The following CRIM1 variants were observed in gnomAD, a reference collection of about 807,000 sequenced individuals.
CRIM1 encodes the protein cysteine-rich motor neuron 1 protein.
Under a neutral mutation model 116.4 loss-of-function variants are expected in CRIM1, and 32 were observed. The ratio of observed to expected loss-of-function variants is 0.27; its 90% confidence interval spans 0.21 to 0.37. The LOEUF is 0.37. Among genes scored for constraint, CRIM1 ranks in the 10% least tolerant of loss-of-function variants. The pLI, the probability that CRIM1 is intolerant of heterozygous loss-of-function variation, is 1.00. For missense variants in CRIM1, 1,331 were observed against 1,354.8 expected (o/e 0.98, Z 0.28); for synonymous variants, 590 against 509.2 (o/e 1.16, Z -2.13).
At chr2:36,501,430 G>T (rs186928101) in intron 8 of CRIM1, among the ~76,000 whole-genome samples, 1 of 152,040 alleles carries the variant, frequency 6.6e-6, no homozygotes, top group Non-Finnish European at 1.5e-5. Context: ...TTTATAAAAC[G>T]CCTGTTGGCC....
chr2:36,429,181 T>C lies in CRIM1; in HGVS notation c.506-12077T>C, dbSNP rs185147471. On this transcript the variant is annotated intron_variant, in intron 2 of 16. Coordinates refer to ENST00000280527, the MANE Select transcript of CRIM1 (RefSeq NM_016441.3). ...AGAATTAAATTTCATGACACTCTTA[T>C]TGCACATAACACAAATTCCCAACTA... Among the ~76,000 whole-genome samples, 982 of 152,314 alleles carry C rather than the reference T, an allele frequency of 6.4e-3. 1 individual carries two copies. The highest frequency in any genetic ancestry group is 0.01 in the Non-Finnish European group (709 of 68,008).
chr2:36,484,956 C>G (rs569415218), intron 7 of CRIM1, among the ~76,000 whole-genome samples: 1 of 152,144 alleles, frequency 6.6e-6, no homozygotes, highest in African/African-American at 2.4e-5. Context: ...AACAGGAAGT[C>G]AAAGAGTTAT....
intron 2 of CRIM1, among the ~76,000 whole-genome samples, chr2:36,437,314 G>T (rs1224036362): frequency 6.6e-6 from 1 of 152,044 alleles, no homozygotes; most frequent in Non-Finnish European, 1.5e-5. Context: ...GGCAGAGCTT[G>T]CAGTGAACCA....
chr2:36,365,150 G>C (rs1669505623), intron 1 of CRIM1, among the ~76,000 whole-genome samples: 2 of 152,072 alleles, frequency 1.3e-5, no homozygotes, highest in Admixed American at 6.5e-5. Context: ...AACATGCGTT[G>C]GTTTGATCCA....
intron 1 of CRIM1, among the ~76,000 whole-genome samples, chr2:36,385,926 G>C (rs1304731427): frequency 6.6e-6 from 1 of 152,138 alleles, no homozygotes. Context: ...TAGTCTCAGG[G>C]GGTGAAATGT....
At position 36,356,374 on chromosome 2, in the gene CRIM1, G is replaced by C; in HGVS notation, c.82G>C (p.Ala28Pro). Residue 28 changes from alanine to proline, a missense_variant, in exon 1 of 17, where the codon GCG becomes CCG. Coordinates refer to ENST00000280527, the MANE Select transcript of CRIM1 (RefSeq NM_016441.3). The surrounding 1 kb of genome is among the most constrained non-coding windows in gnomAD (Gnocchi z 4.3). ...VSLLGLLLLL[A>P]RSGTRALVCL... ...GCTGCTGGGGCTGCTGCTGCTGCTG[G>C]CGCGCTCCGGCACCCGGGCGCTGGT... 6.3e-7 allele frequency: 1 copy of C among 1,595,898 alleles called. No individual in the cohort carries two copies. The highest frequency in any genetic ancestry group is 8.5e-7 in the Non-Finnish European group (1 of 1,173,620).
chr2:36,543,059 T>C (rs1667058424), intron 14 of CRIM1, among the ~76,000 whole-genome samples: 1 of 152,224 alleles, frequency 6.6e-6, no homozygotes, highest in African/African-American at 2.4e-5. Context: ...GTAGAAACTA[T>C]AATTGTTCCC....
At chr2:36,467,653 G>A (rs72865082) in intron 5 of CRIM1, among the ~76,000 whole-genome samples, 3,024 of 152,306 alleles carry the variant, frequency 0.02, 108 homozygotes, top group African/African-American at 0.069. Context: ...GAGACTCACA[G>A]CCATAGAATT....
intron 4 of CRIM1, among the ~76,000 whole-genome samples, chr2:36,454,573 C>CA (rs1435629104): frequency 1.3e-5 from 2 of 152,214 alleles, no homozygotes; most frequent in Non-Finnish European, 2.9e-5. Flanking sequence ...CAGAGGAAGT[C>CA]AAAGGGTTGA....
At position 36,517,321 on chromosome 2, in the gene CRIM1, TC is replaced by T; in HGVS notation, c.1991-3del. The T allele has an allele frequency of 1.2e-6, 2 of 1,612,370 alleles. No individual in the cohort carries two copies. The highest frequency in any genetic ancestry group is 4.5e-5 in the East Asian group (2 of 44,864). ...TAATGTGTTCTGATTTTGTGTCATT[TC>T]CCAGATGACTTTGTGGTGCAGAAGC... is the stretch of plus-strand genomic sequence containing the variant. On this transcript the variant is annotated splice_polypyrimidine_tract_variant and splice_region_variant and intron_variant, in intron 11 of 16. Transcript: ENST00000280527.
intron 11 of CRIM1, among the ~76,000 whole-genome samples, chr2:36,516,875 T>A (rs1024928779): frequency 6.6e-6 from 1 of 152,196 alleles, no homozygotes; most frequent in Non-Finnish European, 1.5e-5. Context: ...CTCAGTTTCC[T>A]CATGCATAAA....
chr2:36,479,414 C>T, intron 6 of CRIM1, 83 bp from the exon 7 acceptor site: 3 of 1,392,502 alleles, frequency 2.2e-6, no homozygotes, highest in Non-Finnish European at 3.0e-6. Flanking sequence ...GACTAGAACC[C>T]AGGGAAAAAA....
At chr2:36,500,064 C>T (rs917857967) in intron 8 of CRIM1, among the ~76,000 whole-genome samples, 17 of 152,044 alleles carry the variant, frequency 1.1e-4, no homozygotes, top group Admixed American at 5.2e-4. Flanking sequence ...TGGTGGCTCA[C>T]GCTTATAATT....
At chr2:36,357,897 C>G (rs1444112106) in intron 1 of CRIM1, among the ~76,000 whole-genome samples, 1 of 152,122 alleles carries the variant, frequency 6.6e-6, no homozygotes, top group Non-Finnish European at 1.5e-5. Flanking sequence ...GAGGTGACAG[C>G]CTTAAGGATA....
intron 1 of CRIM1, among the ~76,000 whole-genome samples, chr2:36,361,014 A>G (rs1356681095): frequency 6.6e-6 from 1 of 152,150 alleles, no homozygotes; most frequent in African/African-American, 2.4e-5. Context: ...CGAAGTAAAC[A>G]AGGAAATAAT....
intron 4 of CRIM1, among the ~76,000 whole-genome samples, chr2:36,443,045 G>T (rs1239987511): frequency 6.6e-6 from 1 of 152,100 alleles, no homozygotes; most frequent in South Asian, 2.1e-4. Context: ...AGGCAGTGAG[G>T]TGTCTATCAA....
rs1295347418 is a variant in CRIM1, at chr2:36,362,132, C to CTGCAAAAAGTCTATTATGTAGACT, written c.331+5523_331+5546dup. On this transcript the variant is annotated intron_variant, in intron 1 of 16. Transcript: ENST00000280527. ...AAGATAAGAAATAAAGACAGCAAGACTGCAAAAAGTCTATTATGTAGACTT... is the reference window on the plus strand; with the variant it reads ...AAGATAAGAAATAAAGACAGCAAGACTGCAAAAAGTCTATTATGTAGACTTGCAAAAAGTCTATTATGTAGACTT... Among the ~76,000 whole-genome samples the CTGCAAAAAGTCTATTATGTAGACT allele has an allele frequency of 4.6e-5, 7 of 151,992 alleles. No individual in the cohort carries two copies. The East Asian group carries it at 5.8e-4, about 13-fold the overall frequency.
intron 2 of CRIM1, among the ~76,000 whole-genome samples, chr2:36,421,749 CG>C (rs1344839175): frequency 6.6e-6 from 1 of 152,066 alleles, no homozygotes; most frequent in East Asian, 1.9e-4. Context: ...CTTGTCCTAA[CG>C]TAGCTGCCCT....
chr2:36,533,585 C>A (rs1666268062), intron 13 of CRIM1, among the ~76,000 whole-genome samples: 1 of 152,110 alleles, frequency 6.6e-6, no homozygotes, highest in Non-Finnish European at 1.5e-5. Context: ...CAGAGTGAGA[C>A]CCTGTCTCTT....
Sources: gnomAD v4.1 joint callset for allele counts (sites outside exome capture counted in the v4.1 genomes callset) on GRCh38, gnomAD v4.1.1 for gene constraint, Gnocchi (gnomAD v3.1) non-coding constraint, MANE v1.5 for transcripts, NCBI Gene and HGNC (gene_info 2026-07-23, HGNC 2026-07-21) for gene names.